PIP5K1B: variants seen among roughly 807,000 people sequenced by gnomAD.
PIP5K1B encodes phosphatidylinositol 4-phosphate 5-kinase type-1 beta.
A neutral mutation model predicts 67.0 loss-of-function variants in PIP5K1B; 42 were observed. The observed-to-expected ratio is 0.63, with a 90% CI of 0.49 to 0.81. PIP5K1B has a LOEUF of 0.81. Among genes scored for constraint, PIP5K1B ranks in the 30% least tolerant of loss-of-function variants. PIP5K1B has a pLI of 0.00. For missense variants in PIP5K1B, 459 were observed against 646.3 expected, an observed-to-expected ratio of 0.71 and a Z score of 3.14; for synonymous variants, 214 against 231.4, an observed-to-expected ratio of 0.92 and a Z score of 0.68.
intron 14 of PIP5K1B, among the ~76,000 whole-genome samples, chr9:68,976,526 C>T (rs1238911063): frequency 6.6e-6 from 1 of 152,212 alleles, no homozygotes; most frequent in Non-Finnish European, 1.5e-5. Context: ...CTCCTTCTTT[C>T]ACATATTGTA....
intron 1 of PIP5K1B, among the ~76,000 whole-genome samples, chr9:68,733,198 T>C (rs1167021417): frequency 1.3e-5 from 2 of 152,198 alleles, no homozygotes; most frequent in African/African-American, 4.8e-5. Flanking sequence ...AGCAGATTGC[T>C]GAAGAGAACC....
intron 5 of PIP5K1B, among the ~76,000 whole-genome samples, 187 bp from the exon 6 acceptor site, chr9:68,876,486 CACTA>C (rs1480797730): frequency 6.6e-6 from 1 of 152,110 alleles, no homozygotes; most frequent in Non-Finnish European, 1.5e-5. Flanking sequence ...GGAGTGACCT[CACTA>C]ACTAACGTCT....
intron 8 of PIP5K1B, 85 bp from the exon 9 acceptor site, chr9:68,917,461 CTG>C: frequency 1.1e-6 from 1 of 909,374 alleles, no homozygotes; most frequent in Non-Finnish European, 1.8e-6. Flanking sequence ...AGCTGTGTGT[CTG>C]TATATCTAGA....
At chr9:68,869,496 A>C (rs1374004498) in intron 5 of PIP5K1B, among the ~76,000 whole-genome samples, 1 of 152,220 alleles carries the variant, frequency 6.6e-6, no homozygotes, top group East Asian at 1.9e-4. Context: ...GGGTCAGCAT[A>C]CAACAGCCCA....
At chr9:68,755,679 C>G (rs1829890663) in intron 2 of PIP5K1B, among the ~76,000 whole-genome samples, 1 of 152,166 alleles carries the variant, frequency 6.6e-6, no homozygotes, top group South Asian at 2.1e-4. Flanking sequence ...ATTACAATCA[C>G]ATGTGTTTTT....
At chr9:68,917,794 C>T in intron 9 of PIP5K1B, 35 bp downstream of exon 9, 1 of 1,471,566 alleles carries the variant, frequency 6.8e-7, no homozygotes, top group African/African-American at 1.4e-5. Flanking sequence ...ACCCTCTTGA[C>T]TGTGGCAGCC....
chr9:68,809,341 C>T (rs1833035881), intron 2 of PIP5K1B, among the ~76,000 whole-genome samples: 1 of 147,632 alleles, frequency 6.8e-6, no homozygotes, highest in Non-Finnish European at 1.5e-5. Flanking sequence ...AATACCACGC[C>T]TCTTTGTAAG....
intron 14 of PIP5K1B, among the ~76,000 whole-genome samples, chr9:68,941,711 G>A (rs1413722957): frequency 6.6e-6 from 1 of 152,208 alleles, no homozygotes; most frequent in African/African-American, 2.4e-5. Flanking sequence ...TACGCTTTAA[G>A]TCATTTTCCA....
At chr9:68,751,347 T>A (rs1269550064) in intron 2 of PIP5K1B, among the ~76,000 whole-genome samples, 1 of 152,260 alleles carries the variant, frequency 6.6e-6, no homozygotes, top group Non-Finnish European at 1.5e-5. Flanking sequence ...AAAGCATACC[T>A]ATAATTATCA....
intron 4 of PIP5K1B, among the ~76,000 whole-genome samples, chr9:68,836,492 C>T (rs1334920315): frequency 6.6e-6 from 1 of 152,112 alleles, no homozygotes; most frequent in Admixed American, 6.6e-5. Context: ...GTAATAAAAA[C>T]ATCAAACGTT....
At chr9:68,797,677 T>G (rs1238962301) in intron 2 of PIP5K1B, among the ~76,000 whole-genome samples, 3 of 152,226 alleles carry the variant, frequency 2.0e-5, no homozygotes, top group South Asian at 2.1e-4. Flanking sequence ...ATTTAATTGC[T>G]TAGAAATTAT....
chr9:68,794,390 T>TTTTCTTTC (rs141128949), intron 2 of PIP5K1B, among the ~76,000 whole-genome samples: 29 of 150,538 alleles, frequency 1.9e-4, no homozygotes, highest in African/African-American at 6.9e-4. Context: ...TGACAGTTTC[T>TTTTCTTTC]TTTCTTTCTT....
intron 5 of PIP5K1B, 36 bp from the exon 6 acceptor site, chr9:68,876,641 C>T (rs761276194): frequency 1.7e-6 from 2 of 1,161,792 alleles, no homozygotes; most frequent in South Asian, 2.4e-5. Flanking sequence ...CTAATGTGTT[C>T]TTTCTTTCTC....
At position 68,873,854 on chromosome 9, in the gene PIP5K1B, C is replaced by G. The variant is rs1180934760; in HGVS notation, c.201-2823C>G. On this transcript the variant is annotated intron_variant, in intron 5 of 15. Coordinates refer to ENST00000265382, the MANE Select transcript of PIP5K1B (RefSeq NM_003558.4). ...CCAGGTCTCCCTGGACTATAAAATC[C>G]ATCATCTTAACTACCACACAGTGTA... 2.6e-5 allele frequency among the ~76,000 whole-genome samples: 4 copies of G among 152,146 alleles called. No individual in the cohort carries two copies. The East Asian group carries it at 7.7e-4, about 29-fold the overall frequency.
chr9:68,935,527 C>G (rs1827216753), intron 13 of PIP5K1B, among the ~76,000 whole-genome samples: 1 of 152,282 alleles, frequency 6.6e-6, no homozygotes, highest in African/African-American at 2.4e-5. Flanking sequence ...CACATTTTAA[C>G]TACCACATAA....
chr9:68,993,031 A>G lies in PIP5K1B; in HGVS notation c.1620+1774A>G, dbSNP rs571689233. Reference sequence around the variant, plus strand: ...GGAAAAATTAGCCGGGCGTGGTGGCAGGCGCCTGTAGTCCCAGCTACTCGG... The same window carrying G: ...GGAAAAATTAGCCGGGCGTGGTGGCGGGCGCCTGTAGTCCCAGCTACTCGG... On this transcript the variant is annotated intron_variant, in intron 15 of 15. Transcript: ENST00000265382. Among the ~76,000 whole-genome samples the G allele has an allele frequency of 4.0e-5, 6 of 150,758 alleles. No individual in the cohort carries two copies. In the South Asian group the frequency reaches 6.3e-4, roughly 16 times the overall value.
chr9:68,920,522 G>A lies in PIP5K1B; in HGVS notation c.1116+793G>A, dbSNP rs375686558. On this transcript the variant is annotated intron_variant, in intron 11 of 15. Coordinates refer to ENST00000265382, the MANE Select transcript of PIP5K1B (RefSeq NM_003558.4). ...AGCTGGGACAACAGGTGCGTGCCACGACGCCTGGCTAATTTTTGTACTTTT... is the reference window on the plus strand; with the variant it reads ...AGCTGGGACAACAGGTGCGTGCCACAACGCCTGGCTAATTTTTGTACTTTT... Among the ~76,000 whole-genome samples the A allele has an allele frequency of 4.4e-4, 67 of 151,452 alleles. No individual in the cohort carries two copies. The South Asian group carries it at 0.014, about 31-fold the overall frequency.
intron 1 of PIP5K1B, 133 bp from the exon 2 acceptor site, chr9:68,742,368 G>C (rs1829053829): frequency 6.6e-6 from 1 of 152,180 alleles, no homozygotes; most frequent in African/African-American, 2.4e-5. Flanking sequence ...TGTAATTTGT[G>C]TTGTATGTAG....
At chr9:68,718,396 A>G (rs1319551853) in intron 1 of PIP5K1B, among the ~76,000 whole-genome samples, 1 of 152,228 alleles carries the variant, frequency 6.6e-6, no homozygotes, top group Non-Finnish European at 1.5e-5. Context: ...CTGTAAGGAA[A>G]ACAATCTCTG....
Sources: gnomAD v4.1 joint callset for allele counts (sites outside exome capture counted in the v4.1 genomes callset) on GRCh38, gnomAD v4.1.1 for gene constraint, MANE v1.5 for transcripts, NCBI Gene and HGNC (gene_info 2026-07-23, HGNC 2026-07-21) for gene names.